The following SPIDR variants were observed in gnomAD, a reference collection of about 807,000 sequenced individuals.
SPIDR encodes scaffold protein involved in DNA repair.
Under a neutral mutation model 104.6 loss-of-function variants are expected in SPIDR, and 93 were observed. That is an observed-to-expected ratio of 0.89 (90% CI 0.75 to 1.06). The LOEUF is 1.06. Ranked by LOEUF, SPIDR falls within the 50% of genes least tolerant of loss-of-function variation. The probability of loss-of-function intolerance (pLI) is 0.00; values close to 1 mark genes in which losing one functional copy is unlikely to be tolerated. For missense variants in SPIDR, 1,154 were observed against 1,111.2 expected (o/e 1.04, Z -0.55); for synonymous variants, 431 against 416.9 (o/e 1.03, Z -0.41).
rs980248147 is a variant in SPIDR, at chr8:47,294,963, G to A, written c.525+933G>A. Among the ~76,000 whole-genome samples the A allele has an allele frequency of 2.0e-5, 3 of 151,960 alleles. No individual in the cohort carries two copies. The South Asian group carries it at 6.2e-4, about 31-fold the overall frequency. ...ATGTATATTAATTAGGCTGCTTAGT[G>A]TTGCGTCATGTCTCATTTTTGCTGT... On this transcript the variant is annotated intron_variant, in intron 5 of 19. Transcript: ENST00000297423.
At chr8:47,733,685 G>A (rs1266019711) in intron 19 of SPIDR, among the ~76,000 whole-genome samples, 2 of 152,008 alleles carry the variant, frequency 1.3e-5, no homozygotes, top group East Asian at 1.9e-4. Context: ...CCTGGAGACT[G>A]TCCTGCTCAC....
intron 6 of SPIDR, among the ~76,000 whole-genome samples, chr8:47,402,602 G>C (rs1312797324): frequency 2.6e-5 from 4 of 152,084 alleles, no homozygotes; most frequent in African/African-American, 9.7e-5. Flanking sequence ...AGAAAATCTA[G>C]AAGAAATGGA....
chr8:47,624,483 C>A (rs1391449673), intron 10 of SPIDR, among the ~76,000 whole-genome samples: 1 of 151,964 alleles, frequency 6.6e-6, no homozygotes, highest in Non-Finnish European at 1.5e-5. Context: ...AATTGATAGA[C>A]CACTAGCAAG....
At chr8:47,574,320 C>T (rs1211185917) in intron 8 of SPIDR, among the ~76,000 whole-genome samples, 2 of 152,178 alleles carry the variant, frequency 1.3e-5, no homozygotes, top group South Asian at 2.1e-4. Context: ...TAGAAAAACA[C>T]TTTTCAATTC....
chr8:47,412,892 A>G (rs2063732695), intron 7 of SPIDR, among the ~76,000 whole-genome samples: 2 of 152,158 alleles, frequency 1.3e-5, no homozygotes, highest in Admixed American at 1.3e-4. Flanking sequence ...TTGTGGTTCT[A>G]TGCATTATAA....
At chr8:47,554,545 T>A (rs2091060153) in intron 8 of SPIDR, among the ~76,000 whole-genome samples, 1 of 152,262 alleles carries the variant, frequency 6.6e-6, no homozygotes, top group Admixed American at 6.5e-5. Context: ...TGGAACCCTC[T>A]GAGCCATGCG....
intron 8 of SPIDR, among the ~76,000 whole-genome samples, chr8:47,490,658 A>G (rs1188221587): frequency 2.0e-5 from 3 of 152,220 alleles, no homozygotes; most frequent in African/African-American, 7.2e-5. Flanking sequence ...ATGGAATACT[A>G]TGTAGCCATA....
At chr8:47,605,746 A>T (rs566925552) in intron 10 of SPIDR, among the ~76,000 whole-genome samples, 1 of 152,358 alleles carries the variant, frequency 6.6e-6, no homozygotes, top group Admixed American at 6.5e-5. Flanking sequence ...TGAAGTACTC[A>T]GCAGGATGCT....
intron 5 of SPIDR, among the ~76,000 whole-genome samples, chr8:47,364,615 G>A (rs1182395152): frequency 6.6e-6 from 1 of 152,104 alleles, no homozygotes; most frequent in Non-Finnish European, 1.5e-5. Flanking sequence ...TTCTCATTTG[G>A]AATATATCCA....
intron 9 of SPIDR, 146 bp from the exon 10 acceptor site, chr8:47,598,800 C>T (rs1564436277): frequency 9.2e-7 from 1 of 1,082,618 alleles, no homozygotes; most frequent in Non-Finnish European, 1.3e-6. Context: ...CCTTTATTTT[C>T]ATCTTCATCA....
At chr8:47,589,659 G>A (rs1564411718) in intron 8 of SPIDR, among the ~76,000 whole-genome samples, 2 of 152,108 alleles carry the variant, frequency 1.3e-5, no homozygotes, top group African/African-American at 2.4e-5. Context: ...CATCTAAGTT[G>A]TGAGAATGTA....
At chr8:47,463,606 G>A (rs1474894970) in intron 8 of SPIDR, among the ~76,000 whole-genome samples, 2 of 152,006 alleles carry the variant, frequency 1.3e-5, no homozygotes, top group Non-Finnish European at 2.9e-5. Flanking sequence ...GATGAATATT[G>A]ATGAAAAAAT....
chr8:47,623,032 G>A (rs1358589169), intron 10 of SPIDR, among the ~76,000 whole-genome samples: 1 of 152,180 alleles, frequency 6.6e-6, no homozygotes, highest in Non-Finnish European at 1.5e-5. Context: ...GAAGATGAGA[G>A]AAATTGCCAC....
At chr8:47,637,309 C>T (rs143493957) in intron 10 of SPIDR, among the ~76,000 whole-genome samples, 2,159 of 152,262 alleles carry the variant, frequency 0.014, 163 homozygotes, top group Admixed American at 0.12. Flanking sequence ...GTGGCTTACG[C>T]CTGCAATCCC....
At chr8:47,671,246 C>G (rs1490566014) in intron 10 of SPIDR, among the ~76,000 whole-genome samples, 2 of 152,150 alleles carry the variant, frequency 1.3e-5, no homozygotes, top group Admixed American at 1.3e-4. Context: ...TCAGTAAATA[C>G]GTCAGGTTCT....
chr8:47,719,932 A>G (rs1037711222), intron 16 of SPIDR, among the ~76,000 whole-genome samples: 8 of 152,218 alleles, frequency 5.3e-5, no homozygotes, highest in African/African-American at 9.7e-5. Flanking sequence ...TGACAGATGT[A>G]TAATACCATG....
At chr8:47,292,717 A>G (rs1554570129) in intron 4 of SPIDR, among the ~76,000 whole-genome samples, 2 of 152,190 alleles carry the variant, frequency 1.3e-5, no homozygotes, top group African/African-American at 4.8e-5. Flanking sequence ...TTTTGTGACG[A>G]AAGCCCCCGT....
chr8:47,671,923 C>T (rs2075855792), intron 10 of SPIDR, among the ~76,000 whole-genome samples: 2 of 152,124 alleles, frequency 1.3e-5, no homozygotes, highest in South Asian at 2.1e-4. Flanking sequence ...ATTTCCATTT[C>T]GTTGTCTTGC....
rs190426925 is a variant in SPIDR, at chr8:47,689,234, A to G, written c.1686-11169A>G. On this transcript the variant is annotated intron_variant, in intron 11 of 19. Transcript: ENST00000297423. ...ACCCCCAGGCAGGGCCGCAGGAAGC[A>G]TCAAGTGTTTTTGAAATGGCTTCTG... Among the ~76,000 whole-genome samples, 12 of 152,302 alleles carry G rather than the reference A, an allele frequency of 7.9e-5. No homozygotes were observed. The East Asian group carries it at 2.3e-3, about 29-fold the overall frequency.
Sources: allele counts gnomAD v4.1 joint callset (sites outside exome capture counted in the v4.1 genomes callset), GRCh38; gene constraint gnomAD v4.1.1; transcripts MANE v1.5; gene names NCBI Gene and HGNC (gene_info 2026-07-23, HGNC 2026-07-21).